The following ANKDD1A variants were observed in gnomAD, a reference collection of about 807,000 sequenced individuals.
ANKDD1A encodes the protein ankyrin repeat and death domain containing 1A.
In ANKDD1A, 59 loss-of-function variants were observed where a neutral mutation model predicts 63.5. That is an observed-to-expected ratio of 0.93 (90% CI 0.75 to 1.15). The LOEUF (loss-of-function observed/expected upper bound fraction) is 1.15, where lower values mean the gene tolerates loss of function less well. ANKDD1A is among the 50% of genes most tolerant of loss of function. ANKDD1A has a pLI of 0.00. For synonymous variants in ANKDD1A, 266 were observed against 263.9 expected (o/e 1.01, Z -0.08); for missense variants, 632 against 656.4 (o/e 0.96, Z 0.41).
rs1163155410 is a variant in ANKDD1A at position 64,943,411 on chromosome 15, T to C, written c.967-73T>C. 27 of 1,211,328 alleles carry C rather than the reference T, an allele frequency of 2.2e-5. 1 individual carries two copies. Among genetic ancestry groups the C allele is most frequent in the Non-Finnish European group, 3.1e-5 (25 of 818,082 alleles). 75.0% of individuals were successfully genotyped at this position (1,211,328 alleles called of 1,614,324 possible). A position where few individuals can be genotyped will look rare whatever the true frequency, so the allele number is the denominator to read the frequency against. On this transcript the variant is annotated intron_variant, in intron 10 of 14. Transcript: ENST00000319580. ...TAGAAGAAATATACTAGGATCATTG[T>C]GCGGGCTGACTTAGGGTAGTGGGCC...
chr15:64,954,370 CTT>C (rs2085383144), intron 14 of ANKDD1A, among the ~76,000 whole-genome samples: 1 of 17,990 alleles, frequency 5.6e-5, no homozygotes, highest in African/African-American at 7.6e-5. Flanking sequence ...TCTCCTTCTT[CTT>C]CCTTTTCTTT....
chr15:64,951,564 C>CTT (rs200837658), intron 14 of ANKDD1A: 1 of 122,692 alleles, frequency 8.2e-6, no homozygotes, highest in Non-Finnish European at 1.7e-5. Context: ...CTTTCTTTTT[C>CTT]TTTTCTTTCT....
At chr15:64,940,148 A>C (rs2085169166) in intron 9 of ANKDD1A, among the ~76,000 whole-genome samples, 1 of 151,722 alleles carries the variant, frequency 6.6e-6, no homozygotes, top group African/African-American at 2.4e-5. Context: ...CAACAGTAAA[A>C]AAAAAAAAAT....
rs138769493 is a variant in ANKDD1A, at chr15:64,912,415, T to G, written c.34+451T>G. On this transcript the variant is annotated intron_variant, in intron 1 of 14. Coordinates refer to ENST00000319580, the MANE Select transcript of ANKDD1A (RefSeq NM_182703.6). ...CACAGCCATTGAGTGGTAGAAGTGC[T>G]GAAGGGCCCAGCTCACCCGGAATGC... Among the ~76,000 whole-genome samples, 323 of 152,318 alleles carry G rather than the reference T, an allele frequency of 2.1e-3. 2 individuals carry two copies. The highest frequency in any genetic ancestry group is 0.014 in the Middle Eastern group (4 of 294).
intron 14 of ANKDD1A, among the ~76,000 whole-genome samples, chr15:64,954,524 CCTTCTTCCTCCTTCTCCTT>C (rs1365983383): frequency 1.2e-4 from 5 of 42,644 alleles, no homozygotes; most frequent in East Asian, 9.9e-4. Flanking sequence ...TCTTTCTTCT[CCTTCTTCCTCCTTCTCCTT>C]CTTCTTTTCT....
chr15:64,953,621 CT>C (rs1555397865), intron 14 of ANKDD1A, among the ~76,000 whole-genome samples: 1 of 27,886 alleles, frequency 3.6e-5, no homozygotes, highest in Non-Finnish European at 1.9e-4. Context: ...TCTCCTTCTT[CT>C]TCTTCTTCCT....
intron 1 of ANKDD1A, chr15:64,914,078 C>T (rs1181727282): frequency 6.6e-6 from 1 of 151,766 alleles, no homozygotes; most frequent in African/African-American, 2.4e-5. Flanking sequence ...ACCTCCAGCT[C>T]CCAGGTTGAA....
intron 7 of ANKDD1A, 53 bp from the exon 8 acceptor site, chr15:64,931,434 C>A: frequency 6.4e-7 from 1 of 1,551,876 alleles, no homozygotes; most frequent in South Asian, 1.2e-5. Context: ...GATTGGGGGT[C>A]ACTTGGGGGT....
intron 5 of ANKDD1A, among the ~76,000 whole-genome samples, chr15:64,926,454 T>G (rs980405622): frequency 1.3e-5 from 2 of 151,944 alleles, no homozygotes; most frequent in Non-Finnish European, 2.9e-5. Context: ...ATTTGGTAAA[T>G]AAACTGGATT....
chr15:64,942,472 T>TGA lies in ANKDD1A; in HGVS notation c.874_875insAG (p.Ala292GlufsTer9). ...CCGTGTATCTCCTCCCACAGCAGGGTGCCTCTCCTCTGCACCTCGCTGTGA... is the reference window on the plus strand; with the variant it reads ...CCGTGTATCTCCTCCCACAGCAGGGTGAGCCTCTCCTCTGCACCTCGCTGTGA... On this transcript the variant is annotated frameshift_variant, in exon 10 of 15. Transcript: ENST00000319580. LOFTEE classifies it high-confidence loss of function. 6.2e-7 allele frequency: 1 copy of TGA among 1,610,852 alleles called. No individual in the cohort carries two copies. Among genetic ancestry groups the TGA allele is most frequent in the Non-Finnish European group, 8.5e-7 (1 of 1,178,454 alleles).
At chr15:64,922,056 T>C (rs1461879547) in intron 4 of ANKDD1A, 37 bp downstream of exon 4, 2 of 1,596,654 alleles carry the variant, frequency 1.3e-6, no homozygotes, top group South Asian at 2.2e-5. Context: ...TCCCCTCGGC[T>C]CCCCTGGCCT....
intron 6 of ANKDD1A, among the ~76,000 whole-genome samples, chr15:64,930,423 G>A (rs2085080374): frequency 6.6e-6 from 1 of 152,152 alleles, no homozygotes; most frequent in African/African-American, 2.4e-5. Context: ...GGCAGGCCAT[G>A]CTACTCAATG....
intron 6 of ANKDD1A, among the ~76,000 whole-genome samples, chr15:64,929,081 G>T (rs1252686470): frequency 6.6e-6 from 1 of 152,234 alleles, no homozygotes; most frequent in Admixed American, 6.5e-5. Flanking sequence ...CAGCCAGCCT[G>T]CAGGCTATAG....
chr15:64,951,816 TTCC>T lies in ANKDD1A; in HGVS notation c.1483+1847_1483+1849del, dbSNP rs1318468626. On this transcript the variant is annotated intron_variant, in intron 14 of 14. Coordinates refer to ENST00000319580, the MANE Select transcript of ANKDD1A (RefSeq NM_182703.6). ...TCTTTCTTTCCTCTTTTCTTCTTTC[TTCC>T]TCTTCTTCATCCTTCTTATTCTTTC... Among the ~76,000 whole-genome samples the T allele has an allele frequency of 5.6e-5, 8 of 144,110 alleles. No homozygotes were observed. The South Asian group carries it at 8.6e-4, about 15-fold the overall frequency. 94.5% of individuals were successfully genotyped at this position (144,110 alleles called of 152,430 possible). A position where few individuals can be genotyped will look rare whatever the true frequency, so the allele number is the denominator to read the frequency against.
intron 14 of ANKDD1A, among the ~76,000 whole-genome samples, chr15:64,954,099 CTT>C (rs1301145903): frequency 7.3e-6 from 1 of 136,366 alleles, no homozygotes; most frequent in Non-Finnish European, 1.6e-5. Flanking sequence ...TCTCCTCCCT[CTT>C]TTCTTCTTCC....
chr15:64,917,584 C>A, intron 3 of ANKDD1A, 70 bp downstream of exon 3: 1 of 1,503,696 alleles, frequency 6.7e-7, no homozygotes, highest in Non-Finnish European at 9.0e-7. Flanking sequence ...GTCTATGAGC[C>A]AGTTGCCGAG....
intron 9 of ANKDD1A, among the ~76,000 whole-genome samples, chr15:64,934,845 T>C (rs1175875252): frequency 6.6e-6 from 1 of 151,992 alleles, no homozygotes; most frequent in Admixed American, 6.6e-5. Flanking sequence ...ATTAATCTTT[T>C]ATGTTGCCTA....
At chr15:64,930,777 G>C (rs780215514) in intron 6 of ANKDD1A, 45 bp from the exon 7 acceptor site, 1 of 1,574,202 alleles carries the variant, frequency 6.4e-7, no homozygotes, top group Non-Finnish European at 8.6e-7. Flanking sequence ...TGTGATTCTG[G>C]GACTCTCTGG....
intron 3 of ANKDD1A, among the ~76,000 whole-genome samples, chr15:64,919,189 G>A (rs1366276366): frequency 2.0e-5 from 3 of 152,102 alleles, no homozygotes; most frequent in African/African-American, 7.2e-5. Context: ...GATGTATCCC[G>A]GAGGTCCCCA....
Sources: allele counts gnomAD v4.1 joint callset (sites outside exome capture counted in the v4.1 genomes callset), GRCh38; gene constraint gnomAD v4.1.1; transcripts MANE v1.5; gene names NCBI Gene and HGNC (gene_info 2026-07-23, HGNC 2026-07-21).